The following ATP8B1 variants were observed in gnomAD, a reference collection of about 807,000 sequenced individuals.
The protein encoded by ATP8B1 is ATPase phospholipid transporting 8B1.
A neutral mutation model predicts 149.9 loss-of-function variants in ATP8B1; 80 were observed. The ratio of observed to expected loss-of-function variants is 0.53; its 90% CI spans 0.45 to 0.64. The LOEUF is 0.64. ATP8B1 is among the 30% of genes least tolerant of loss of function. The pLI is 0.00. For missense variants in ATP8B1, 1,247 were observed against 1,552.6 expected, an observed-to-expected ratio of 0.80 and a Z score of 3.31; for synonymous variants, 536 against 562.8, an observed-to-expected ratio of 0.95 and a Z score of 0.67.
At chr18:57,749,202 G>C (rs529033140) in intron 1 of ATP8B1, among the ~76,000 whole-genome samples, 445 of 152,330 alleles carry the variant, frequency 2.9e-3, no homozygotes, top group Non-Finnish European at 4.7e-3. Flanking sequence ...GGGTGCAGTA[G>C]CACATGGTGA....
intron 16 of ATP8B1, among the ~76,000 whole-genome samples, chr18:57,672,234 T>G (rs1911252051): frequency 6.6e-6 from 1 of 152,216 alleles, no homozygotes; most frequent in Admixed American, 6.5e-5. Flanking sequence ...AGGTAGTTTC[T>G]CACCTATGAA....
chr18:57,661,026 T>A (rs1051348540), intron 22 of ATP8B1, 148 bp downstream of exon 22: 2 of 1,112,640 alleles, frequency 1.8e-6, no homozygotes, highest in African/African-American at 3.1e-5. Context: ...GTCACAGGCG[T>A]TGTCATGGTT....
chr18:57,687,799 T>TTTTTG (rs1912328270), intron 13 of ATP8B1, among the ~76,000 whole-genome samples: 1 of 136,088 alleles, frequency 7.3e-6, no homozygotes, highest in Non-Finnish European at 1.6e-5. Context: ...TTTTTTTTTT[T>TTTTTG]AGACAGAGTC....
intron 24 of ATP8B1, among the ~76,000 whole-genome samples, chr18:57,653,282 C>CTTTTTTTT (rs199543849): frequency 6.1e-5 from 7 of 114,470 alleles, no homozygotes; most frequent in Admixed American, 1.0e-4. Flanking sequence ...CTTTTCTTTT[C>CTTTTTTTT]TTTTTTTTTT....
chr18:57,753,962 G>GA (rs33970531), intron 1 of ATP8B1, among the ~76,000 whole-genome samples: 4 of 122,244 alleles, frequency 3.3e-5, no homozygotes, highest in South Asian at 2.4e-4. Flanking sequence ...AGAAAGAAAA[G>GA]AAAAAAAAAA....
At position 57,674,889 on chromosome 18, in the gene ATP8B1, G is replaced by T; in HGVS notation, c.1764C>A (p.Tyr588Ter). The change falls in exon 16 of 28, where the codon TAC becomes TAA. Residue 588 changes from tyrosine (Y) to a stop codon, truncating the protein, a stop_gained. Transcript: ENST00000648908. LOFTEE classifies it high-confidence loss of function. ...TGAAGTCCAAAATGGCAAGAACATT[G>T]TAAGTCCTTTCAGTGCCCAGTTCAC... Reference protein sequence around the residue: ...TISELGTERTYNVLAILDFNS... With the variant: ...TISELGTERT The T allele has an allele frequency of 6.2e-7, 1 of 1,614,256 alleles. No homozygotes were observed. The highest frequency in any genetic ancestry group is 8.5e-7 in the Non-Finnish European group (1 of 1,180,044).
chr18:57,688,691 G>T (rs1174548796), intron 12 of ATP8B1, 184 bp from the exon 13 acceptor site: 7 of 651,042 alleles, frequency 1.1e-5, no homozygotes, highest in Non-Finnish European at 1.9e-5. Flanking sequence ...TTGAGGTGGG[G>T]CCTTTAGAAG....
intron 1 of ATP8B1, among the ~76,000 whole-genome samples, chr18:57,774,978 C>T (rs1478328479): frequency 6.6e-6 from 1 of 152,050 alleles, no homozygotes; most frequent in Non-Finnish European, 1.5e-5. Flanking sequence ...TGATGAACAC[C>T]CAGGACAGAG....
Position 57,652,159 on chromosome 18 carries a change from G to A in ATP8B1, c.3275C>T (p.Thr1092Ile), listed in dbSNP as rs780425796. 9 of 1,613,980 alleles carry A rather than the reference G, an allele frequency of 5.6e-6. No individual in the cohort carries two copies. The South Asian group carries it at 9.9e-5, about 18-fold the overall frequency. ...AGCATTCACAAAAGTCCAATAAGAA[G>A]TATCCAAGCCAATCTGTTGGGAAAC... ...ITVNFQIGLD[T>I]SYWTFVNAFS... Residue 1092 changes from threonine (T) to isoleucine (I), a missense_variant, in exon 26 of 28, where the codon ACT (threonine) becomes ATT (isoleucine). Around this residue, in one of 3 missense-constraint regions of ATP8B1, gnomAD observed 230 missense variants for 356.6 expected, o/e 0.65. Transcript: ENST00000648908.
chr18:57,699,843 G>A (rs373284296), intron 6 of ATP8B1, among the ~76,000 whole-genome samples: 2 of 152,124 alleles, frequency 1.3e-5, no homozygotes, highest in African/African-American at 4.8e-5. Context: ...GTGAGCCACC[G>A]TGCCTGGCCA....
At chr18:57,729,549 C>CTTTTTTTTTTTTTT (rs71171074) in intron 2 of ATP8B1, among the ~76,000 whole-genome samples, 61 of 120,716 alleles carry the variant, frequency 5.1e-4, no homozygotes, top group East Asian at 1.7e-3. Context: ...TTCTTTCTTT[C>CTTTTTTTTTTTTTT]TTTTTTTTTT....
intron 1 of ATP8B1, among the ~76,000 whole-genome samples, chr18:57,771,624 G>A (rs180907683): frequency 1.3e-5 from 2 of 152,090 alleles, no homozygotes; most frequent in Admixed American, 1.3e-4. Context: ...ATTCATTCAG[G>A]CCACATACAG....
intron 1 of ATP8B1, among the ~76,000 whole-genome samples, chr18:57,757,978 CT>C (rs1230308822): frequency 6.6e-6 from 1 of 152,038 alleles, no homozygotes; most frequent in Non-Finnish European, 1.5e-5. Flanking sequence ...AGGATTTCCC[CT>C]ATCCCTATTA....
intron 15 of ATP8B1, among the ~76,000 whole-genome samples, chr18:57,677,529 G>A (rs1022610354): frequency 8.2e-5 from 12 of 145,516 alleles, no homozygotes; most frequent in East Asian, 4.4e-4. Context: ...CTGGGGTAAC[G>A]GTGGCAGAGA....
intron 1 of ATP8B1, among the ~76,000 whole-genome samples, chr18:57,737,564 T>C (rs2079870185): frequency 3.1e-5 from 1 of 31,916 alleles, no homozygotes; most frequent in Admixed American, 6.0e-4. Context: ...TTTTTTTCTT[T>C]CTTTTCTTTC....
At chr18:57,776,850 A>T (rs1217788872) in intron 1 of ATP8B1, among the ~76,000 whole-genome samples, 1 of 151,702 alleles carries the variant, frequency 6.6e-6, no homozygotes, top group Non-Finnish European at 1.5e-5. Context: ...TCAACAAGAT[A>T]CTCCACTGTG....
At chr18:57,782,632 C>T (rs549752356) in intron 1 of ATP8B1, among the ~76,000 whole-genome samples, 5 of 152,132 alleles carry the variant, frequency 3.3e-5, no homozygotes, top group African/African-American at 9.6e-5. Context: ...ATGAATGGTG[C>T]GCACACACAC....
chr18:57,800,321 C>A (rs1281652252), intron 1 of ATP8B1, among the ~76,000 whole-genome samples: 2 of 152,074 alleles, frequency 1.3e-5, no homozygotes, highest in Non-Finnish European at 2.9e-5. Flanking sequence ...ATAACAAGGC[C>A]CTGTCTCTAT....
At chr18:57,716,169 G>A (rs1272369892) in intron 2 of ATP8B1, among the ~76,000 whole-genome samples, 1 of 151,884 alleles carries the variant, frequency 6.6e-6, no homozygotes, top group Non-Finnish European at 1.5e-5. Flanking sequence ...CAAGCCTCAT[G>A]GTAACCTCAA....
Sources: gnomAD v4.1 joint callset for allele counts (sites outside exome capture counted in the v4.1 genomes callset) on GRCh38, gnomAD v4.1.1 for gene constraint, gnomAD v4.1.1 regional missense constraint, MANE v1.5 for transcripts, NCBI Gene and HGNC (gene_info 2026-07-23, HGNC 2026-07-21) for gene names.